TRPC3: variants seen among roughly 807,000 people sequenced by gnomAD.
TRPC3 encodes the protein transient receptor potential cation channel subfamily C member 3.
Under a neutral mutation model 90.9 loss-of-function variants are expected in TRPC3, and 54 were observed. The ratio of observed to expected loss-of-function variants is 0.59; its 90% CI spans 0.48 to 0.75. The LOEUF is 0.75. TRPC3 is among the 30% of genes least tolerant of loss of function. The pLI is 0.00. For missense variants in TRPC3, 918 were observed against 1,194.5 expected, an observed-to-expected ratio of 0.77 and a Z score of 3.41; for synonymous variants, 424 against 450.9, an observed-to-expected ratio of 0.94 and a Z score of 0.75.
At chr4:121,909,024 A>G (rs554968729) in intron 6 of TRPC3, among the ~76,000 whole-genome samples, 1 of 152,292 alleles carries the variant, frequency 6.6e-6, no homozygotes, top group East Asian at 1.9e-4. Context: ...TATAGGAGAT[A>G]GGGAAGCCTG....
At chr4:121,919,764 T>C (rs1166851526) in intron 3 of TRPC3, among the ~76,000 whole-genome samples, 1 of 152,212 alleles carries the variant, frequency 6.6e-6, no homozygotes, top group Non-Finnish European at 1.5e-5. Context: ...AATCCTACTA[T>C]GGAGGAAATA....
At chr4:121,915,515 T>C (rs992564214) in intron 3 of TRPC3, among the ~76,000 whole-genome samples, 5 of 152,244 alleles carry the variant, frequency 3.3e-5, no homozygotes, top group Admixed American at 2.6e-4. Flanking sequence ...ATGCTGGGTC[T>C]ACACATGCAC....
At chr4:121,930,787 T>G (rs1024991633) in intron 2 of TRPC3, 1 of 379,596 alleles carries the variant, frequency 2.6e-6, no homozygotes, top group Non-Finnish European at 5.0e-6. Context: ...GCTTTTCTAC[T>G]GTCTCTAAAC....
intron 1 of TRPC3, among the ~76,000 whole-genome samples, chr4:121,943,909 T>C (rs1335442300): frequency 1.8e-5 from 2 of 110,858 alleles, no homozygotes; most frequent in Admixed American, 9.6e-5. Context: ...GCAAAGAAAA[T>C]AGTATTTTTA....
intron 10 of TRPC3, among the ~76,000 whole-genome samples, chr4:121,892,821 T>C (rs1728375617): frequency 6.6e-6 from 1 of 151,916 alleles, no homozygotes; most frequent in Admixed American, 6.6e-5. Context: ...AAAATTCAAA[T>C]AGAGAAATAA....
chr4:121,896,375 C>A (rs1253876413), intron 10 of TRPC3, among the ~76,000 whole-genome samples: 1 of 152,060 alleles, frequency 6.6e-6, no homozygotes, highest in Non-Finnish European at 1.5e-5. Flanking sequence ...GTCAAATTGT[C>A]CCTGTTTGCA....
At position 121,903,038 on chromosome 4, in the gene TRPC3, C is replaced by G; in HGVS notation, c.2277G>C (p.Lys759Asn). The change falls in exon 9 of 12, where the codon AAG (lysine) becomes AAC (asparagine). Residue 759 changes from lysine to asparagine, a missense_variant. Transcript: ENST00000379645. ...EIEDDSDVEW[K>N]FARSKLWLSY... ...ATAACCAAAGTTTTGAACGAGCAAA[C>G]TTCCATTCTACATCACTGTCATCCT... The G allele has an allele frequency of 6.2e-7, 1 of 1,612,718 alleles. No individual in the cohort carries two copies. Among genetic ancestry groups the G allele is most frequent in the South Asian group, 1.1e-5 (1 of 90,882 alleles).
chr4:121,911,555 A>G (rs887159530), intron 5 of TRPC3, among the ~76,000 whole-genome samples: 1 of 152,224 alleles, frequency 6.6e-6, no homozygotes, highest in African/African-American at 2.4e-5. Flanking sequence ...GGGTTATTTC[A>G]TAAGTATTTC....
intron 1 of TRPC3, among the ~76,000 whole-genome samples, chr4:121,947,183 CAAAA>C (rs11457162): frequency 2.2e-5 from 2 of 92,024 alleles, no homozygotes. Context: ...GACTCTGTCT[CAAAA>C]AAAAAAAAAA....
chr4:121,886,183 T>C (rs1157507623), intron 10 of TRPC3, among the ~76,000 whole-genome samples: 1 of 152,186 alleles, frequency 6.6e-6, no homozygotes, highest in Non-Finnish European at 1.5e-5. Context: ...GTTTTTCTTC[T>C]CACTTGGTAT....
chr4:121,885,448 T>C (rs1282497804), intron 10 of TRPC3, among the ~76,000 whole-genome samples: 1 of 152,172 alleles, frequency 6.6e-6, no homozygotes, highest in Non-Finnish European at 1.5e-5. Flanking sequence ...GAACAAATCA[T>C]GTAGTTTTGA....
chr4:121,883,845 T>A (rs1420618351), intron 10 of TRPC3, among the ~76,000 whole-genome samples: 2 of 152,174 alleles, frequency 1.3e-5, no homozygotes, highest in Non-Finnish European at 2.9e-5. Context: ...CAGCTGGAGC[T>A]ATAGACATGA....
Position 121,932,148 on chromosome 4 carries a change from C to T in TRPC3, c.987+123G>A, listed in dbSNP as rs889644567. On this transcript the variant is annotated intron_variant, in intron 2 of 11. Transcript: ENST00000379645. The surrounding 1 kb of genome is among the most constrained non-coding windows in gnomAD (Gnocchi z 7.7). ...TGAGGTCTGAATGACGTTCTCAGTC[C>T]CTCGTGATTTCACATTCACTGGGCA... The T allele has an allele frequency of 2.3e-5, 33 of 1,438,350 alleles. No individual in the cohort carries two copies. The highest frequency in any genetic ancestry group is 3.1e-5 in the Non-Finnish European group (33 of 1,072,446). The allele number at this position is 1,438,350 out of a possible 1,614,324, so 89.1% of individuals were successfully genotyped here. A position where few individuals can be genotyped will look rare whatever the true frequency, so the allele number is the denominator to read the frequency against.
In TRPC3 at chr4:121,882,322, A is replaced by G; in HGVS notation, c.2623+32T>C. ...TTTCCAGGTTCATTAAGTTAGCTAT[A>G]AAAGGATATTTTTTAAGTTGGAGAT... is the stretch of plus-strand genomic sequence containing the variant. On this transcript the variant is annotated intron_variant, in intron 11 of 11. Coordinates refer to ENST00000379645, the MANE Select transcript of TRPC3 (RefSeq NM_001130698.2). 4 of 1,578,210 alleles carry G rather than the reference A, an allele frequency of 2.5e-6. No homozygotes were observed. In the South Asian group the frequency reaches 4.6e-5, roughly 18 times the overall value.
chr4:121,923,031 A>G (rs1729580436), intron 3 of TRPC3, among the ~76,000 whole-genome samples: 1 of 152,186 alleles, frequency 6.6e-6, no homozygotes, highest in Non-Finnish European at 1.5e-5. Flanking sequence ...ACATTGTGGT[A>G]GTAGAATTAT....
At chr4:121,948,571 A>G (rs1730571310) in intron 1 of TRPC3, among the ~76,000 whole-genome samples, 1 of 152,230 alleles carries the variant, frequency 6.6e-6, no homozygotes, top group Non-Finnish European at 1.5e-5. Context: ...ATCCTGGCAT[A>G]TAGGATCCTC....
At chr4:121,924,832 G>A (rs1729646578) in intron 3 of TRPC3, among the ~76,000 whole-genome samples, 186 bp downstream of exon 3, 1 of 152,164 alleles carries the variant, frequency 6.6e-6, no homozygotes, top group Admixed American at 6.5e-5. Context: ...CAAAGTGCTG[G>A]GATTACAGGC....
At chr4:121,940,044 G>T (rs1011107204) in intron 1 of TRPC3, among the ~76,000 whole-genome samples, 1 of 152,038 alleles carries the variant, frequency 6.6e-6, no homozygotes, top group East Asian at 1.9e-4. Context: ...TCAGCCTCCC[G>T]GCCTCTTTCT....
intron 1 of TRPC3, among the ~76,000 whole-genome samples, chr4:121,939,768 C>A (rs1003722384): frequency 2.0e-5 from 3 of 152,168 alleles, no homozygotes; most frequent in Admixed American, 2.0e-4. Context: ...CTTGAGGGAG[C>A]ATATCTGGGT....
Sources: gnomAD v4.1 joint callset for allele counts (sites outside exome capture counted in the v4.1 genomes callset) on GRCh38, gnomAD v4.1.1 for gene constraint, Gnocchi (gnomAD v3.1) non-coding constraint, MANE v1.5 for transcripts, NCBI Gene and HGNC (gene_info 2026-07-23, HGNC 2026-07-21) for gene names.